CSMD1: variants seen among roughly 807,000 people sequenced by gnomAD.
CSMD1 encodes the protein CUB and sushi domain-containing protein 1.
Under a neutral mutation model 417.5 loss-of-function variants are expected in CSMD1, and 213 were observed. The ratio of observed to expected loss-of-function variants is 0.51; its 90% CI spans 0.46 to 0.57. CSMD1 has a LOEUF of 0.57. Among genes scored for constraint, CSMD1 ranks in the 20% least tolerant of loss-of-function variants. The pLI, the probability that CSMD1 is intolerant of heterozygous loss-of-function variation, is 0.00. For synonymous variants in CSMD1, 2,862 were observed against 1,736.8 expected, an observed-to-expected ratio of 1.65 and a Z score of -16.11; for missense variants, 6,923 against 4,529.7, an observed-to-expected ratio of 1.53 and a Z score of -15.17.
intron 3 of CSMD1, among the ~76,000 whole-genome samples, chr8:4,355,652 G>C (rs561916704): frequency 7.2e-5 from 11 of 152,308 alleles, no homozygotes; most frequent in Admixed American, 7.2e-4. Context: ...AGAAAAGCAA[G>C]CATGCTATAA....
chr8:3,501,915 G>A (rs1796616349), intron 10 of CSMD1, among the ~76,000 whole-genome samples: 1 of 152,076 alleles, frequency 6.6e-6, no homozygotes, highest in Non-Finnish European at 1.5e-5. Flanking sequence ...CATAGATACT[G>A]GATAAATATA....
intron 5 of CSMD1, among the ~76,000 whole-genome samples, chr8:3,906,094 G>T (rs567795619): frequency 6.6e-6 from 1 of 152,194 alleles, no homozygotes; most frequent in East Asian, 1.9e-4. Flanking sequence ...TCCTTCCCAT[G>T]ATGCTAACCT....
rs536948094 is a variant in CSMD1, at chr8:3,609,873, A to AT, written c.1097+6836_1097+6837insA. On this transcript the variant is annotated intron_variant, in intron 8 of 69. Transcript: ENST00000635120. ...TTGCTCTGTCCCCCAGGCTGAAGTGAAGTGGTGCGATCTCGGCTCCTGGGT... is the reference window on the plus strand; with the variant it reads ...TTGCTCTGTCCCCCAGGCTGAAGTGATAGTGGTGCGATCTCGGCTCCTGGGT... Among the ~76,000 whole-genome samples the AT allele has an allele frequency of 5.3e-5, 6 of 112,588 alleles. No homozygotes were observed. The South Asian group carries it at 2.0e-3, about 37-fold the overall frequency. The allele number at this position is 112,588 out of a possible 152,430, so 73.9% of individuals were successfully genotyped here.
chr8:3,457,495 T>C (rs544755340), intron 12 of CSMD1, among the ~76,000 whole-genome samples: 26 of 152,308 alleles, frequency 1.7e-4, no homozygotes, highest in South Asian at 8.3e-4. Flanking sequence ...AAGAAACGCA[T>C]TGGAGCTGAG....
At chr8:4,205,330 T>G (rs914673072) in intron 3 of CSMD1, among the ~76,000 whole-genome samples, 12 of 152,362 alleles carry the variant, frequency 7.9e-5, no homozygotes, top group African/African-American at 2.6e-4. Context: ...TATTCTAAAA[T>G]AAGTATTTAA....
At position 4,207,636 on chromosome 8, in the gene CSMD1, G is replaced by C. The variant is rs532490609; in HGVS notation, c.416-175537C>G. Among the ~76,000 whole-genome samples, 138 of 152,212 alleles carry C rather than the reference G, an allele frequency of 9.1e-4. 1 individual carries two copies. Among genetic ancestry groups the C allele is most frequent in the African/African-American group, 3.0e-3 (124 of 41,552 alleles). On this transcript the variant is annotated intron_variant, in intron 3 of 69. Transcript: ENST00000635120. The stretch of plus-strand genomic sequence containing the variant: ...ACTGGCAACATTTTCATTATGAAGA[G>C]GGGGTTGTTTATGTATTCCTACATA...
intron 3 of CSMD1, among the ~76,000 whole-genome samples, chr8:4,123,530 C>G (rs1802600543): frequency 6.6e-6 from 1 of 152,120 alleles, no homozygotes; most frequent in African/African-American, 2.4e-5. Flanking sequence ...TGATGATTAA[C>G]ATTGAAAATG....
chr8:3,755,187 G>C (rs925880963), intron 5 of CSMD1, among the ~76,000 whole-genome samples: 2 of 152,102 alleles, frequency 1.3e-5, no homozygotes, highest in Non-Finnish European at 2.9e-5. Context: ...AGTGGCATAA[G>C]CATCACTGGA....
intron 5 of CSMD1, among the ~76,000 whole-genome samples, chr8:3,793,474 T>C (rs1585007032): frequency 6.8e-6 from 1 of 146,120 alleles, no homozygotes; most frequent in Non-Finnish European, 1.5e-5. Flanking sequence ...ATGCCCCCCA[T>C]CCAGCCAAGC....
intron 6 of CSMD1, among the ~76,000 whole-genome samples, chr8:3,716,406 C>G (rs148603199): frequency 0.026 from 3,977 of 152,230 alleles, 171 homozygotes; most frequent in African/African-American, 0.091. Context: ...ATGGTTATTT[C>G]TTGATGATAT....
intron 5 of CSMD1, among the ~76,000 whole-genome samples, chr8:3,764,904 C>A (rs184711192): frequency 4.9e-4 from 75 of 151,978 alleles, no homozygotes; most frequent in African/African-American, 1.8e-3. Flanking sequence ...TGCCACCACA[C>A]CCAGCTCATT....
chr8:4,718,305 A>G (rs1487742808), intron 1 of CSMD1, among the ~76,000 whole-genome samples: 3 of 152,210 alleles, frequency 2.0e-5, no homozygotes, highest in Non-Finnish European at 2.9e-5. Flanking sequence ...TTTAAAAAAC[A>G]TATATAACGA....
At chr8:4,869,153 A>G (rs1297588938) in intron 1 of CSMD1, among the ~76,000 whole-genome samples, 1 of 152,056 alleles carries the variant, frequency 6.6e-6, no homozygotes, top group Non-Finnish European at 1.5e-5. Context: ...CACAAAATAA[A>G]TCTATCTAGT....
rs986849146 is a variant in CSMD1 at position 3,696,425 on chromosome 8, A to C, written c.1009+11989T>G. On this transcript the variant is annotated intron_variant, in intron 7 of 69. Coordinates refer to ENST00000635120, the MANE Select transcript of CSMD1 (RefSeq NM_033225.6). ...TGACTTAGTTTTCTTCTCTGACATAAGCTACCATGGACTGCTTCTGCACAT... is the reference window on the plus strand; with the variant it reads ...TGACTTAGTTTTCTTCTCTGACATACGCTACCATGGACTGCTTCTGCACAT... Among the ~76,000 whole-genome samples, 11 of 152,326 alleles carry C rather than the reference A, an allele frequency of 7.2e-5. No individual in the cohort carries two copies. The East Asian group carries it at 1.9e-3, about 27-fold the overall frequency.
At chr8:4,846,371 G>C (rs140261181) in intron 1 of CSMD1, among the ~76,000 whole-genome samples, 1 of 152,096 alleles carries the variant, frequency 6.6e-6, no homozygotes, top group Admixed American at 6.6e-5. Context: ...TTGCTTGGAG[G>C]GCTGACATGG....
intron 1 of CSMD1, among the ~76,000 whole-genome samples, chr8:4,641,797 A>C (rs1227042090): frequency 6.6e-6 from 1 of 152,200 alleles, no homozygotes; most frequent in Non-Finnish European, 1.5e-5. Flanking sequence ...AAATCTAGAT[A>C]TGTAGGGACT....
At position 4,142,541 on chromosome 8, in the gene CSMD1, T is replaced by C. The variant is rs900278004; in HGVS notation, c.416-110442A>G. Among the ~76,000 whole-genome samples the C allele has an allele frequency of 8.6e-5, 13 of 151,354 alleles. 1 individual carries two copies. The highest frequency in any genetic ancestry group is 3.2e-4 in the African/African-American group (13 of 40,622). On this transcript the variant is annotated intron_variant, in intron 3 of 69. Transcript: ENST00000635120. The stretch of plus-strand genomic sequence containing the variant: ...GATGAATTCTAAGTTTAGCAACATG[T>C]TCAGACACTAAAATGACCATTTTTA...
At chr8:2,967,510 G>T (rs1425902026) in intron 57 of CSMD1, among the ~76,000 whole-genome samples, 1 of 151,890 alleles carries the variant, frequency 6.6e-6, no homozygotes, top group African/African-American at 2.4e-5. Context: ...GTACGTTTCA[G>T]GGTGAACATT....
chr8:4,332,667 C>T lies in CSMD1; in HGVS notation c.415+87286G>A, dbSNP rs932843684. ...TGCAGCTCTCATTACTACCGTTTTG[C>T]TAGCTGGCACCCCTGGGGGAATATT... On this transcript the variant is annotated intron_variant, in intron 3 of 69. Transcript: ENST00000635120. 4.6e-5 allele frequency among the ~76,000 whole-genome samples: 7 copies of T among 151,438 alleles called. 1 individual carries two copies. The highest frequency in any genetic ancestry group is 7.4e-5 in the Non-Finnish European group (5 of 67,904).
Sources: allele counts gnomAD v4.1 joint callset (sites outside exome capture counted in the v4.1 genomes callset), GRCh38; gene constraint gnomAD v4.1.1; transcripts MANE v1.5; gene names NCBI Gene and HGNC (gene_info 2026-07-23, HGNC 2026-07-21).